Variants in PMM2 observed in about 807,000 individuals in gnomAD.
PMM2 encodes mannose-6-phosphate isomerase.
A neutral mutation model predicts 33.2 loss-of-function variants in PMM2; 35 were observed. The observed-to-expected ratio is 1.06, with a 90% confidence interval of 0.81 to 1.40. PMM2 has a LOEUF of 1.40. Ranked by LOEUF, PMM2 falls within the 40% of genes most tolerant of loss-of-function variation. The probability of loss-of-function intolerance (pLI) is 0.00; values close to 1 mark genes in which losing one functional copy is unlikely to be tolerated. For synonymous variants in PMM2, 153 were observed against 114.7 expected (o/e 1.33, Z -2.13); for missense variants, 386 against 306.0 (o/e 1.26, Z -1.95).
Position 8,848,687 on chromosome 16 carries a change from C to G in PMM2, c.*862C>G, listed in dbSNP as rs1324157654. ...TGTCAGACTTCACCAAAAGGACTTT[C>G]TGGTTGCCCCTGGCTGGCTTCCTGG... On this transcript the variant is annotated 3_prime_UTR_variant, in exon 8 of 8. Transcript: ENST00000268261. 1 of 152,206 alleles carries G rather than the reference C, an allele frequency of 6.6e-6. No individual in the cohort carries two copies. Among genetic ancestry groups the G allele is most frequent in the Admixed American group, 6.5e-5 (1 of 15,286 alleles). 9.4% of individuals were successfully genotyped at this position (152,206 alleles called of 1,614,324 possible).
chr16:8,839,167 G>A (rs1293901654), intron 7 of PMM2, among the ~76,000 whole-genome samples: 5 of 151,936 alleles, frequency 3.3e-5, no homozygotes, highest in Admixed American at 6.6e-5. Context: ...TTGTTGTGTC[G>A]GTGTCATGAG....
chr16:8,833,590 G>T (rs2060824652), intron 7 of PMM2, among the ~76,000 whole-genome samples: 1 of 151,706 alleles, frequency 6.6e-6, no homozygotes. Context: ...CTTCAAGCGG[G>T]ATTAGGGGCG....
chr16:8,834,924 G>A (rs2060833733), intron 7 of PMM2, among the ~76,000 whole-genome samples: 1 of 152,158 alleles, frequency 6.6e-6, no homozygotes, highest in African/African-American at 2.4e-5. Flanking sequence ...TGAGGTCCGG[G>A]CCAGGAACAA....
rs749288714 is a variant in PMM2 at position 8,818,526 on chromosome 16, A to G, written c.639+5420A>G. 2.6e-4 allele frequency among the ~76,000 whole-genome samples: 40 copies of G among 152,092 alleles called. 2 individuals are homozygous for G. The highest frequency in any genetic ancestry group is 7.4e-5 in the Non-Finnish European group (5 of 68,020). On this transcript the variant is annotated intron_variant, in intron 7 of 7. Transcript: ENST00000268261. ...GAAAGCTGGGGTTTTTTCCTTTCCT[A>G]ATGAAGTTTGATGTTTTTGCCGGCG...
At chr16:8,836,091 G>T (rs918055216) in intron 7 of PMM2, among the ~76,000 whole-genome samples, 3 of 151,612 alleles carry the variant, frequency 2.0e-5, no homozygotes, top group African/African-American at 7.3e-5. Context: ...AGGTTTAGAA[G>T]CCTGGCCGTC....
intron 7 of PMM2, among the ~76,000 whole-genome samples, chr16:8,826,507 T>TA (rs2060769161): frequency 6.6e-6 from 1 of 152,206 alleles, no homozygotes; most frequent in Admixed American, 6.5e-5. Context: ...AGAAGCCACT[T>TA]ATGACCTTAA....
chr16:8,827,668 T>A (rs1418469471), intron 7 of PMM2, among the ~76,000 whole-genome samples: 2 of 137,868 alleles, frequency 1.5e-5, no homozygotes, highest in Non-Finnish European at 3.0e-5. Context: ...AGTGCTGGGA[T>A]TACAGGCATG....
In PMM2 at chr16:8,826,240, T is replaced by G. The variant is rs1420157144; in HGVS notation, c.639+13134T>G. Among the ~76,000 whole-genome samples the G allele has an allele frequency of 2.0e-5, 3 of 152,244 alleles. No homozygotes were observed. In the East Asian group the frequency reaches 5.8e-4, roughly 29 times the overall value. On this transcript the variant is annotated intron_variant, in intron 7 of 7. Transcript: ENST00000268261. ...TTTGCTTAAACTTTCAGTTTTATTTTGTCTTTCAACCAAAAATAATCTTTA... is the reference window on the plus strand; with the variant it reads ...TTTGCTTAAACTTTCAGTTTTATTTGGTCTTTCAACCAAAAATAATCTTTA...
intron 7 of PMM2, among the ~76,000 whole-genome samples, chr16:8,815,032 TG>T (rs1216397453): frequency 6.6e-6 from 1 of 152,136 alleles, no homozygotes; most frequent in East Asian, 1.9e-4. Context: ...TTCTTTTCTC[TG>T]CTTATATGAC....
chr16:8,800,194 A>G (rs931513441), intron 1 of PMM2, among the ~76,000 whole-genome samples: 9 of 152,034 alleles, frequency 5.9e-5, no homozygotes, highest in African/African-American at 1.7e-4. Context: ...CCCAGTCTCT[A>G]CTAAAAATAC....
chr16:8,847,258 T>C (rs879416095), intron 7 of PMM2, among the ~76,000 whole-genome samples: 6 of 152,076 alleles, frequency 3.9e-5, no homozygotes, highest in Non-Finnish European at 8.8e-5. Context: ...GGCCAGTGGC[T>C]GCCATCACCG....
intron 7 of PMM2, among the ~76,000 whole-genome samples, chr16:8,816,278 C>T (rs1273389802): frequency 6.6e-6 from 1 of 152,016 alleles, no homozygotes; most frequent in African/African-American, 2.4e-5. Context: ...AGGCGCCCGC[C>T]ACCATGCCCA....
chr16:8,839,812 T>C (rs949784284), intron 7 of PMM2, among the ~76,000 whole-genome samples: 1 of 151,478 alleles, frequency 6.6e-6, no homozygotes, highest in African/African-American at 2.4e-5. Flanking sequence ...TGCCGAGAGA[T>C]ACATATAGGA....
chr16:8,820,896 C>A (rs1220453054), intron 7 of PMM2, among the ~76,000 whole-genome samples: 1 of 152,228 alleles, frequency 6.6e-6, no homozygotes, highest in Admixed American at 6.5e-5. Flanking sequence ...TGAGTGAGCA[C>A]CTTCCTACAC....
chr16:8,842,363 T>G (rs966582921), intron 7 of PMM2: 2 of 152,156 alleles, frequency 1.3e-5, no homozygotes, highest in African/African-American at 4.8e-5. Flanking sequence ...AAGAAGGTCA[T>G]CAATATATTA....
chr16:8,801,631 C>T (rs1268831693), intron 1 of PMM2, among the ~76,000 whole-genome samples, 168 bp from the exon 2 acceptor site: 3 of 152,096 alleles, frequency 2.0e-5, no homozygotes, highest in Admixed American at 6.6e-5. Flanking sequence ...ATGACCATGC[C>T]ACTGCACTCC....
At chr16:8,827,371 CTTT>C (rs1036626956) in intron 7 of PMM2, among the ~76,000 whole-genome samples, 14 of 150,856 alleles carry the variant, frequency 9.3e-5, no homozygotes, top group Admixed American at 5.9e-4. Context: ...GCACAAAGGC[CTTT>C]TTTTTATTTT....
chr16:8,829,538 T>C (rs2060797997), intron 7 of PMM2, among the ~76,000 whole-genome samples: 1 of 152,198 alleles, frequency 6.6e-6, no homozygotes, highest in Non-Finnish European at 1.5e-5. Flanking sequence ...ACAAAACTAG[T>C]CACTATGCTC....
chr16:8,843,531 C>T (rs1168510656), intron 7 of PMM2, among the ~76,000 whole-genome samples: 1 of 151,968 alleles, frequency 6.6e-6, no homozygotes, highest in Non-Finnish European at 1.5e-5. Flanking sequence ...AGTCAGATTT[C>T]TGGCACGTGT....
Sources: allele counts gnomAD v4.1 joint callset (sites outside exome capture counted in the v4.1 genomes callset), GRCh38; gene constraint gnomAD v4.1.1; transcripts MANE v1.5; gene names NCBI Gene and HGNC (gene_info 2026-07-23, HGNC 2026-07-21).